The following BMP2K variants were observed in gnomAD, a reference collection of about 807,000 sequenced individuals.
The protein encoded by BMP2K is BMP-2-inducible protein kinase.
BMP2K carries 74 observed loss-of-function variants against 116.0 expected under a neutral mutation model. That is an observed-to-expected ratio of 0.64 (90% CI 0.53 to 0.77). BMP2K has a LOEUF of 0.77. Ranked by LOEUF, BMP2K falls within the 30% of genes least tolerant of loss-of-function variation. BMP2K has a pLI of 0.00. For synonymous variants in BMP2K, 486 were observed against 502.5 expected (o/e 0.97, Z 0.44); for missense variants, 1,365 against 1,403.6 (o/e 0.97, Z 0.44).
rs546647989 is a variant in BMP2K at position 78,784,357 on chromosome 4, T to A, written c.178+7636T>A. Among the ~76,000 whole-genome samples the A allele has an allele frequency of 3.3e-5, 5 of 152,264 alleles. 1 individual carries two copies. The South Asian group carries it at 1.0e-3, about 32-fold the overall frequency. On this transcript the variant is annotated intron_variant, in intron 1 of 15. Coordinates refer to ENST00000502613, the MANE Select transcript of BMP2K (RefSeq NM_198892.2). ...ATCTCCAAAAGATTGGGACTGTTTATTCCTTTGTTTTATCTTGCATGCATC... is the reference window on the plus strand; with the variant it reads ...ATCTCCAAAAGATTGGGACTGTTTAATCCTTTGTTTTATCTTGCATGCATC...
intron 1 of BMP2K, among the ~76,000 whole-genome samples, chr4:78,804,745 T>C (rs1340254237): frequency 1.3e-5 from 2 of 151,508 alleles, no homozygotes; most frequent in African/African-American, 4.8e-5. Flanking sequence ...TTTGGACAAA[T>C]TTCTATTCTG....
chr4:78,823,505 TATATATAGTTA>T (rs1278494093), intron 1 of BMP2K, among the ~76,000 whole-genome samples: 1 of 147,646 alleles, frequency 6.8e-6, no homozygotes, highest in Non-Finnish European at 1.5e-5. Context: ...TATATATAGT[TATATATAGTTA>T]TATATATAGT....
rs114341772 is a variant in BMP2K at position 78,874,678 on chromosome 4, C to T, written c.1793+1880C>T. Reference sequence around the variant, plus strand: ...TCAGCTCCTGGAAGCAAAGTTATGTCACTGTTGAGAATGGGATGATGAATT... The same window carrying T: ...TCAGCTCCTGGAAGCAAAGTTATGTTACTGTTGAGAATGGGATGATGAATT... On this transcript the variant is annotated intron_variant, in intron 13 of 15. Coordinates refer to ENST00000502613, the MANE Select transcript of BMP2K (RefSeq NM_198892.2). 5.4e-3 allele frequency among the ~76,000 whole-genome samples: 820 copies of T among 152,244 alleles called. 6 individuals are homozygous for T. Among genetic ancestry groups the T allele is most frequent in the African/African-American group, 0.018 (759 of 41,556 alleles).
chr4:78,850,755 T>A, intron 6 of BMP2K, 169 bp from the exon 7 acceptor site: 1 of 558,970 alleles, frequency 1.8e-6, no homozygotes, highest in Non-Finnish European at 2.8e-6. Context: ...AATGATATAG[T>A]TAAATGTCTT....
At chr4:78,901,210 C>CT (rs1733985107) in intron 15 of BMP2K, among the ~76,000 whole-genome samples, 1 of 151,454 alleles carries the variant, frequency 6.6e-6, no homozygotes, top group African/African-American at 2.4e-5. Context: ...TTCTCAGCTA[C>CT]TTTTTTATTT....
intron 1 of BMP2K, among the ~76,000 whole-genome samples, chr4:78,815,434 A>G (rs1729291627): frequency 6.6e-6 from 1 of 152,186 alleles, no homozygotes; most frequent in African/African-American, 2.4e-5. Context: ...CTCTTCAGGA[A>G]GAAGAGAGAT....
chr4:78,808,729 G>C (rs1489698877), intron 1 of BMP2K, among the ~76,000 whole-genome samples: 1 of 152,014 alleles, frequency 6.6e-6, no homozygotes, highest in Non-Finnish European at 1.5e-5. Flanking sequence ...TTGGTTATTT[G>C]AGTGTTTTCT....
rs961375266 is a variant in BMP2K, at chr4:78,915,106, AT to A, written c.*3075del. The A allele has an allele frequency of 6.6e-6, 1 of 152,060 alleles. No homozygotes were observed. The highest frequency in any genetic ancestry group is 2.4e-5 in the African/African-American group (1 of 41,438). The allele number at this position is 152,060 out of a possible 1,614,324, so 9.4% of individuals were successfully genotyped here. A position where few individuals can be genotyped will look rare whatever the true frequency, so the allele number is the denominator to read the frequency against. On this transcript the variant is annotated 3_prime_UTR_variant, in exon 16 of 16. Transcript: ENST00000502613. ...GAAAATTTAACTGACTAGAACATTTATTCAGGAGTGTAATTATTTTCCCTTA... is the reference window on the plus strand; with the variant it reads ...GAAAATTTAACTGACTAGAACATTTATCAGGAGTGTAATTATTTTCCCTTA...
At chr4:78,887,408 C>G in intron 15 of BMP2K, 124 bp downstream of exon 15, 1 of 724,330 alleles carries the variant, frequency 1.4e-6, no homozygotes, top group Non-Finnish European at 2.4e-6. Flanking sequence ...AATATTTTAA[C>G]CTTTAGCCAT....
In BMP2K at chr4:78,914,069, A is replaced by G. The variant is rs1277027212; in HGVS notation, c.*2036A>G. 1 of 151,806 alleles carries G rather than the reference A, an allele frequency of 6.6e-6. No homozygotes were observed. Among genetic ancestry groups the G allele is most frequent in the Non-Finnish European group, 1.5e-5 (1 of 67,890 alleles). 9.4% of individuals were successfully genotyped at this position (151,806 alleles called of 1,614,324 possible). On this transcript the variant is annotated 3_prime_UTR_variant, in exon 16 of 16. Transcript: ENST00000502613. ...AACTACAGTAGGTTTGTATCAAACAATTTTTTTTAATGAAAATCTGTTGAG... is the reference window on the plus strand; with the variant it reads ...AACTACAGTAGGTTTGTATCAAACAGTTTTTTTTAATGAAAATCTGTTGAG...
chr4:78,916,087 C>A lies in BMP2K; in HGVS notation c.*4054C>A, dbSNP rs1735035378. 1 of 151,808 alleles carries A rather than the reference C, an allele frequency of 6.6e-6. No homozygotes were observed. Among genetic ancestry groups the A allele is most frequent in the African/African-American group, 2.4e-5 (1 of 41,412 alleles). The allele number at this position is 151,808 out of a possible 1,614,324, so 9.4% of individuals were successfully genotyped here. On this transcript the variant is annotated 3_prime_UTR_variant, in exon 16 of 16. Coordinates refer to ENST00000502613, the MANE Select transcript of BMP2K (RefSeq NM_198892.2). ...TTCTACTTGTTACAAAACATACTTGCTAAAGTAACTTCAGTCCTCAAATAT... is the reference window on the plus strand; with the variant it reads ...TTCTACTTGTTACAAAACATACTTGATAAAGTAACTTCAGTCCTCAAATAT...
Position 78,872,765 on chromosome 4 carries a change from G to A in BMP2K, c.1760G>A (p.Gly587Glu), listed in dbSNP as rs758503240. ...SYTSSLPAQVGTIMDSSYSAN... is the reference protein window; with the variant it reads ...SYTSSLPAQVETIMDSSYSAN... The stretch of plus-strand genomic sequence containing the variant: ...ACTTCATCACTTCCAGCTCAGGTTG[G>A]AACCATAATGGACTCCTCCTATAGT... The change falls in exon 13 of 16, where the codon GGA (glycine) becomes GAA (glutamate). Residue 587 changes from glycine (G) to glutamate (E), a missense_variant. Transcript: ENST00000502613. 1.7e-5 allele frequency: 27 copies of A among 1,614,032 alleles called. No homozygotes were observed. Among genetic ancestry groups the A allele is most frequent in the Admixed American group, 6.7e-5 (4 of 60,004 alleles).
At chr4:78,844,874 A>G (rs1049947863) in intron 4 of BMP2K, 54 bp from the exon 5 acceptor site, 1 of 1,481,026 alleles carries the variant, frequency 6.8e-7, no homozygotes, top group African/African-American at 1.4e-5. Context: ...AAGATTGTAA[A>G]AAGTTAATTT....
Position 78,878,801 on chromosome 4 carries a change from A to G in BMP2K, c.1861A>G (p.Met621Val). The G allele has an allele frequency of 6.2e-7, 1 of 1,613,268 alleles. No homozygotes were observed. The highest frequency in any genetic ancestry group is 8.5e-7 in the Non-Finnish European group (1 of 1,179,728). ...NQKNISNPPD[M>V]SGWNPFGEDN... ...GAAGAACATCAGCAATCCACCTGAT[A>G]TGTCAGGGTGGAATCCTTTTGGAGA... Residue 621 changes from methionine to valine, a missense_variant, in exon 14 of 16, where the codon ATG (methionine) becomes GTG (valine). Met to Val is a conservative substitution (Grantham distance 21). Transcript: ENST00000502613.
intron 15 of BMP2K, among the ~76,000 whole-genome samples, chr4:78,900,720 A>G (rs966318049): frequency 2.0e-5 from 3 of 152,248 alleles, no homozygotes; most frequent in South Asian, 2.1e-4. Flanking sequence ...TAGATAGACT[A>G]TGTCTTAAAA....
At chr4:78,813,420 G>A (rs1294113130) in intron 1 of BMP2K, among the ~76,000 whole-genome samples, 1 of 152,122 alleles carries the variant, frequency 6.6e-6, no homozygotes, top group Non-Finnish European at 1.5e-5. Context: ...GAACCCTCTA[G>A]TAGCTTTCCA....
In BMP2K at chr4:78,912,961, A is replaced by C. The variant is rs1734738617; in HGVS notation, c.*928A>C. 1.3e-5 allele frequency: 2 copies of C among 152,298 alleles called. No individual in the cohort carries two copies. Among genetic ancestry groups the C allele is most frequent in the Admixed American group, 6.5e-5 (1 of 15,288 alleles). 9.4% of individuals were successfully genotyped at this position (152,298 alleles called of 1,614,324 possible). ...GGCCCTAATAAAGCAGATTATTGGA[A>C]AAATTGGAGGACAAGGGTTGTATAA... On this transcript the variant is annotated 3_prime_UTR_variant, in exon 16 of 16. Transcript: ENST00000502613.
rs1240548891 is a variant in BMP2K, at chr4:78,913,962, G to A, written c.*1929G>A. ...TGCTAATGCAAATGCTCAAGTAGAT[G>A]TTTAAAAACTTTACAAAATAGATTC... On this transcript the variant is annotated 3_prime_UTR_variant, in exon 16 of 16. Coordinates refer to ENST00000502613, the MANE Select transcript of BMP2K (RefSeq NM_198892.2). The A allele has an allele frequency of 6.6e-6, 1 of 151,180 alleles. No individual in the cohort carries two copies. The highest frequency in any genetic ancestry group is 1.5e-5 in the Non-Finnish European group (1 of 67,810). 9.4% of individuals were successfully genotyped at this position (151,180 alleles called of 1,614,324 possible).
At chr4:78,829,793 TTCTCTTCTCTTCTCTTCTCTTCTC>T (rs1560518732) in intron 2 of BMP2K, among the ~76,000 whole-genome samples, 59 of 81,058 alleles carry the variant, frequency 7.3e-4, no homozygotes, top group African/African-American at 2.6e-3. Context: ...TTCTTTTCTC[TTCTCTTCTCTTCTCTTCTCTTCTC>T]TTCTCTTCTC....
Sources: gnomAD v4.1 joint callset for allele counts (sites outside exome capture counted in the v4.1 genomes callset) on GRCh38, gnomAD v4.1.1 for gene constraint, MANE v1.5 for transcripts, NCBI Gene and HGNC (gene_info 2026-07-23, HGNC 2026-07-21) for gene names.